Variants in HDAC4 observed in about 807,000 individuals in gnomAD.
HDAC4 encodes the protein histone deacetylase A.
HDAC4 carries 16 observed loss-of-function variants against 135.1 expected under a neutral mutation model. The ratio of observed to expected loss-of-function variants is 0.12; its 90% CI spans 0.08 to 0.18. The LOEUF (loss-of-function observed/expected upper bound fraction) is 0.18. Ranked by LOEUF, HDAC4 falls within the 10% of genes least tolerant of loss-of-function variation. The pLI is 1.00. For synonymous variants in HDAC4, 685 were observed against 653.4 expected, an observed-to-expected ratio of 1.05 and a Z score of -0.74; for missense variants, 1,143 against 1,511.8, an observed-to-expected ratio of 0.76 and a Z score of 4.05.
chr2:239,062,189 G>T (rs1395951463), intron 24 of HDAC4, among the ~76,000 whole-genome samples: 1 of 152,278 alleles, frequency 6.6e-6, no homozygotes, highest in Non-Finnish European at 1.5e-5. Flanking sequence ...TGGTTGCTGG[G>T]AACAGCACAG....
At position 239,366,671 on chromosome 2, in the gene HDAC4, G is replaced by A. The variant is rs1694237825; in HGVS notation, c.-219-13753C>T. Reference sequence around the variant, plus strand: ...AAAGATTCAGACAGACACACAGAAGGCCCAAGGATTTGACTTACGGTGTGA... The same window carrying A: ...AAAGATTCAGACAGACACACAGAAGACCCAAGGATTTGACTTACGGTGTGA... On this transcript the variant is annotated intron_variant, in intron 1 of 26. Coordinates refer to ENST00000543185, the MANE Select transcript of HDAC4 (RefSeq NM_001378414.1). Among the ~76,000 whole-genome samples the A allele has an allele frequency of 2.0e-5, 3 of 152,136 alleles. No individual in the cohort carries two copies. In the South Asian group the frequency reaches 6.2e-4, roughly 32 times the overall value.
rs1036085057 is a variant in HDAC4 at position 239,078,977 on chromosome 2, C to T, written c.2750+2118G>A. ...AATTTGGCCACAGTGGGCCCTGGGT[C>T]CCCCGGGTGGCACCAGTGTTCACTC... On this transcript the variant is annotated intron_variant, in intron 22 of 26. Transcript: ENST00000543185. Among the ~76,000 whole-genome samples the T allele has an allele frequency of 2.6e-5, 4 of 152,218 alleles. 1 individual carries two copies. In the East Asian group the frequency reaches 5.8e-4, roughly 22 times the overall value.
intron 1 of HDAC4, among the ~76,000 whole-genome samples, chr2:239,391,781 C>T (rs1043121185): frequency 2.6e-5 from 4 of 152,186 alleles, no homozygotes; most frequent in South Asian, 4.1e-4. Flanking sequence ...CCCACACCCA[C>T]GAGAGCACCG....
chr2:239,290,299 A>C (rs1559332903), intron 2 of HDAC4, among the ~76,000 whole-genome samples: 1 of 152,250 alleles, frequency 6.6e-6, no homozygotes. Flanking sequence ...GAGCACCCTA[A>C]GGCCAGGCTG....
At position 239,245,379 on chromosome 2, in the gene HDAC4, C is replaced by T. The variant is rs1332149447; in HGVS notation, c.23-8715G>A. Among the ~76,000 whole-genome samples the T allele has an allele frequency of 6.6e-6, 1 of 152,174 alleles. No individual in the cohort carries two copies. The highest frequency in any genetic ancestry group is 2.4e-5 in the African/African-American group (1 of 41,426). On this transcript the variant is annotated intron_variant, in intron 2 of 26. Coordinates refer to ENST00000543185, the MANE Select transcript of HDAC4 (RefSeq NM_001378414.1). The surrounding 1 kb of genome is among the most constrained non-coding windows in gnomAD (Gnocchi z 4.4). ...GCAGGGGAAATTTCAGATATGCCCA[C>T]CAGTCCCGATGTTTTGGTCTGGATT...
chr2:239,169,328 C>G (rs551042136), intron 5 of HDAC4, among the ~76,000 whole-genome samples: 1 of 152,228 alleles, frequency 6.6e-6, no homozygotes, highest in Admixed American at 6.5e-5. Flanking sequence ...TGCTTGGGCC[C>G]GTGGCGCACA....
intron 9 of HDAC4, among the ~76,000 whole-genome samples, chr2:239,137,563 GT>G (rs1471615498): frequency 1.3e-5 from 2 of 152,140 alleles, no homozygotes; most frequent in Non-Finnish European, 2.9e-5. Flanking sequence ...GTACAGTAGT[GT>G]TTCTAGGGAC....
intron 1 of HDAC4, among the ~76,000 whole-genome samples, chr2:239,391,206 C>G (rs1488653443): frequency 1.3e-5 from 2 of 152,224 alleles, no homozygotes. Context: ...ACAAGCGCAG[C>G]ATGCCCTGGG....
intron 24 of HDAC4, among the ~76,000 whole-genome samples, chr2:239,065,161 C>T (rs1487655102): frequency 2.0e-5 from 3 of 152,192 alleles, no homozygotes; most frequent in African/African-American, 7.2e-5. Context: ...GGCTGCAGTC[C>T]CTGCCATCCC....
At chr2:239,223,178 G>C (rs1177837498) in intron 3 of HDAC4, among the ~76,000 whole-genome samples, 2 of 152,164 alleles carry the variant, frequency 1.3e-5, no homozygotes, top group East Asian at 3.8e-4. Context: ...CCAAACGTTT[G>C]GTTATGTGTT....
intron 2 of HDAC4, among the ~76,000 whole-genome samples, chr2:239,284,792 A>C (rs1294638348): frequency 6.6e-6 from 1 of 152,150 alleles, no homozygotes; most frequent in Non-Finnish European, 1.5e-5. Flanking sequence ...TTCAAAAGTA[A>C]ATACACAAGC....
chr2:239,233,715 A>C (rs2047729377), intron 3 of HDAC4, among the ~76,000 whole-genome samples: 1 of 152,218 alleles, frequency 6.6e-6, no homozygotes, highest in African/African-American at 2.4e-5. Context: ...CATTCACACG[A>C]GGGAATGGTC....
intron 19 of HDAC4, among the ~76,000 whole-genome samples, chr2:239,086,600 C>T (rs552486283): frequency 6.6e-6 from 1 of 152,374 alleles, no homozygotes; most frequent in East Asian, 1.9e-4. Context: ...GACTATCTCT[C>T]ACGTCCTGCC....
At chr2:239,226,665 T>G (rs1575461138) in intron 3 of HDAC4, among the ~76,000 whole-genome samples, 1 of 151,618 alleles carries the variant, frequency 6.6e-6, no homozygotes, top group Non-Finnish European at 1.5e-5. Context: ...TAACATGTAA[T>G]GGGGGGGGTG....
chr2:239,122,838 C>T (rs2039809409), intron 12 of HDAC4, among the ~76,000 whole-genome samples: 1 of 152,198 alleles, frequency 6.6e-6, no homozygotes, highest in Non-Finnish European at 1.5e-5. Flanking sequence ...CCAAGCCGGC[C>T]CCAGCTGCAA....
chr2:239,110,733 T>C (rs1460785585), intron 14 of HDAC4, among the ~76,000 whole-genome samples: 1 of 152,216 alleles, frequency 6.6e-6, no homozygotes, highest in Non-Finnish European at 1.5e-5. Context: ...TATTAGATCA[T>C]AACAACATGA....
At chr2:239,072,458 G>A (rs958140539) in intron 22 of HDAC4, among the ~76,000 whole-genome samples, 2 of 152,202 alleles carry the variant, frequency 1.3e-5, no homozygotes, top group African/African-American at 4.8e-5. Flanking sequence ...CCTACTTCCT[G>A]GAGCTGCTCA....
At chr2:239,131,119 A>G (rs755810271) in intron 11 of HDAC4, among the ~76,000 whole-genome samples, 1 of 152,258 alleles carries the variant, frequency 6.6e-6, no homozygotes, top group Non-Finnish European at 1.5e-5. Flanking sequence ...GAACAGGGAC[A>G]TAGAAGAGGC....
chr2:239,110,172 T>C (rs1243321596), intron 14 of HDAC4, among the ~76,000 whole-genome samples: 1 of 152,152 alleles, frequency 6.6e-6, no homozygotes, highest in Non-Finnish European at 1.5e-5. Context: ...ATCTGGAAGG[T>C]TTAAAGCAAA....
Sources: allele counts gnomAD v4.1 joint callset (sites outside exome capture counted in the v4.1 genomes callset), GRCh38; gene constraint gnomAD v4.1.1; non-coding constraint Gnocchi (gnomAD v3.1); transcripts MANE v1.5; gene names NCBI Gene and HGNC (gene_info 2026-07-23, HGNC 2026-07-21).